SPATS2: variants seen among roughly 807,000 people sequenced by gnomAD.
SPATS2 encodes the protein spermatogenesis-associated serine-rich protein 2.
Under a neutral mutation model 63.7 loss-of-function variants are expected in SPATS2, and 38 were observed. The ratio of observed to expected loss-of-function variants is 0.60; its 90% CI spans 0.46 to 0.78. The LOEUF is 0.78. Ranked by LOEUF, SPATS2 falls within the 30% of genes least tolerant of loss-of-function variation. The probability of loss-of-function intolerance (pLI) is 0.00; values close to 1 mark genes in which losing one functional copy is unlikely to be tolerated. For synonymous variants in SPATS2, 207 were observed against 232.9 expected (o/e 0.89, Z 1.01); for missense variants, 588 against 666.2 (o/e 0.88, Z 1.29).
chr12:49,477,962 CTTTTTTTTT>C (rs1002916907), intron 3 of SPATS2, among the ~76,000 whole-genome samples: 1 of 105,250 alleles, frequency 9.5e-6, no homozygotes, highest in Admixed American at 9.7e-5. Flanking sequence ...GTGGTTTTGT[CTTTTTTTTT>C]TTTTTTTTTT....
chr12:49,511,525 G>A (rs1254706721), intron 9 of SPATS2, among the ~76,000 whole-genome samples: 3 of 152,108 alleles, frequency 2.0e-5, no homozygotes, highest in African/African-American at 7.2e-5. Context: ...AAAGCCTTGA[G>A]AGAAGCTTAG....
intron 7 of SPATS2, 103 bp from the exon 8 acceptor site, chr12:49,496,730 A>C (rs1480516363): frequency 8.6e-7 from 1 of 1,165,310 alleles, no homozygotes; most frequent in Non-Finnish European, 1.2e-6. Context: ...TTTAAGAGGC[A>C]TGGTTTTGCC....
intron 9 of SPATS2, among the ~76,000 whole-genome samples, chr12:49,509,372 C>T (rs1290421899): frequency 6.7e-6 from 1 of 149,650 alleles, no homozygotes; most frequent in Non-Finnish European, 1.5e-5. Flanking sequence ...CCCCTGCCTC[C>T]TGGGTTCAAG....
intron 2 of SPATS2, among the ~76,000 whole-genome samples, chr12:49,397,833 TAAAAAAAAA>T (rs989085737): frequency 2.4e-5 from 2 of 82,322 alleles, no homozygotes; most frequent in African/African-American, 4.9e-5. Context: ...CTTAGCTCTT[TAAAAAAAAA>T]AAAAAAAAAA....
At chr12:49,479,770 A>G (rs1946175778) in intron 3 of SPATS2, among the ~76,000 whole-genome samples, 1 of 152,244 alleles carries the variant, frequency 6.6e-6, no homozygotes, top group Admixed American at 6.5e-5. Flanking sequence ...TGTGTAAGGA[A>G]TATCAGTAGA....
intron 2 of SPATS2, chr12:49,389,498 C>A: frequency 1.2e-6 from 1 of 854,884 alleles, no homozygotes; most frequent in South Asian, 1.4e-5. Context: ...GGACTAAGAG[C>A]AGGATATATC....
At chr12:49,510,111 T>A (rs983868530) in intron 9 of SPATS2, among the ~76,000 whole-genome samples, 8 of 150,952 alleles carry the variant, frequency 5.3e-5, no homozygotes, top group South Asian at 2.1e-4. Context: ...TTTTTTTTTT[T>A]AAATTAGCCA....
chr12:49,465,714 C>G (rs549448857), intron 3 of SPATS2, among the ~76,000 whole-genome samples: 39 of 152,266 alleles, frequency 2.6e-4, no homozygotes, highest in African/African-American at 8.9e-4. Context: ...GAGGCCAAGG[C>G]AGGTGGATCA....
intron 3 of SPATS2, among the ~76,000 whole-genome samples, 195 bp from the exon 4 acceptor site, chr12:49,484,395 T>TGAGG (rs1946254460): frequency 6.6e-6 from 1 of 152,254 alleles, no homozygotes; most frequent in Admixed American, 6.5e-5. Flanking sequence ...ACAGTTTTTA[T>TGAGG]TAAAATTAAA....
intron 10 of SPATS2, among the ~76,000 whole-genome samples, chr12:49,516,138 CAAAAAAAAAAAAAA>C (rs57936702): frequency 2.6e-3 from 9 of 3,486 alleles, no homozygotes; most frequent in African/African-American, 5.5e-3. Flanking sequence ...GACTCCATCT[CAAAAAAAAAAAAAA>C]AAAAAAAAAA....
chr12:49,397,998 A>G (rs1047491460), intron 2 of SPATS2, among the ~76,000 whole-genome samples: 4 of 151,306 alleles, frequency 2.6e-5, no homozygotes, highest in Admixed American at 6.6e-5. Context: ...AAAAAATACA[A>G]AAATGAGTGG....
chr12:49,488,145 A>C (rs111570322), intron 4 of SPATS2, among the ~76,000 whole-genome samples: 2,176 of 151,968 alleles, frequency 0.014, 53 homozygotes, highest in African/African-American at 0.049. Context: ...CCCGGGTTCA[A>C]GTGATTCTCC....
At chr12:49,503,712 G>C (rs1304250610) in intron 9 of SPATS2, among the ~76,000 whole-genome samples, 1 of 151,970 alleles carries the variant, frequency 6.6e-6, no homozygotes, top group African/African-American at 2.4e-5. Context: ...GCTTTGATAA[G>C]CCTCTGGTCT....
chr12:49,385,880 T>G (rs540977868), intron 2 of SPATS2, among the ~76,000 whole-genome samples: 1 of 151,060 alleles, frequency 6.6e-6, no homozygotes, highest in East Asian at 1.9e-4. Flanking sequence ...TTTTGTTTTT[T>G]TTTTTTGAGA....
chr12:49,525,131 C>G (rs890525925), intron 13 of SPATS2, among the ~76,000 whole-genome samples: 1 of 152,190 alleles, frequency 6.6e-6, no homozygotes, highest in African/African-American at 2.4e-5. Context: ...TGGCAGTGAT[C>G]CCTGCTGTTG....
intron 8 of SPATS2, among the ~76,000 whole-genome samples, chr12:49,499,170 A>G (rs1237210944): frequency 6.6e-6 from 1 of 151,958 alleles, no homozygotes; most frequent in Non-Finnish European, 1.5e-5. Flanking sequence ...TGCCTCTGTG[A>G]TTGATTTTTT....
chr12:49,385,874 G>GTT (rs753323898), intron 2 of SPATS2, among the ~76,000 whole-genome samples: 1 of 139,874 alleles, frequency 7.1e-6, no homozygotes, highest in African/African-American at 2.7e-5. Context: ...TTTGTTTTTT[G>GTT]TTTTTTTTTT....
rs34366051 is a variant in SPATS2 at position 49,504,734 on chromosome 12, G to GT, written c.839+4540dup. 1.4e-3 allele frequency among the ~76,000 whole-genome samples: 192 copies of GT among 135,764 alleles called. 2 individuals are homozygous for GT. The highest frequency in any genetic ancestry group is 4.8e-3 in the African/African-American group (177 of 36,768). 89.1% of individuals were successfully genotyped at this position (135,764 alleles called of 152,430 possible). A position where few individuals can be genotyped will look rare whatever the true frequency, so the allele number is the denominator to read the frequency against. The stretch of plus-strand genomic sequence containing the variant: ...TTCCTCTATGTCCTTTTATTGGCGC[G>GT]TTTTTTTTTTTCCTGTTTCTTTTCT... On this transcript the variant is annotated intron_variant, in intron 9 of 13. Transcript: ENST00000552918.
At chr12:49,389,840 G>A in intron 2 of SPATS2, 1 of 878,162 alleles carries the variant, frequency 1.1e-6, no homozygotes, top group East Asian at 2.4e-5. Context: ...GAGAACAAAT[G>A]GTTAGATTGC....
Sources: allele counts gnomAD v4.1 joint callset (sites outside exome capture counted in the v4.1 genomes callset), GRCh38; gene constraint gnomAD v4.1.1; transcripts MANE v1.5; gene names NCBI Gene and HGNC (gene_info 2026-07-23, HGNC 2026-07-21).